ANO3: variants seen among roughly 807,000 people sequenced by gnomAD.
ANO3 encodes the protein anoctamin-3.
Under a neutral mutation model 144.8 loss-of-function variants are expected in ANO3, and 99 were observed. That is an observed-to-expected ratio of 0.68 (90% confidence interval 0.58 to 0.81). The LOEUF (loss-of-function observed/expected upper bound fraction) is 0.81, where lower values mean the gene tolerates loss of function less well. ANO3 is among the 30% of genes least tolerant of loss of function. The pLI, the probability that ANO3 is intolerant of heterozygous loss-of-function variation, is 0.00. For missense variants in ANO3, 905 were observed against 1,202.2 expected (o/e 0.75, Z 3.66); for synonymous variants, 414 against 392.6 (o/e 1.05, Z -0.64).
At chr11:26,368,882 T>G (rs2133935474) in intron 1 of ANO3, among the ~76,000 whole-genome samples, 1 of 152,284 alleles carries the variant, frequency 6.6e-6, no homozygotes, top group African/African-American at 2.4e-5. Flanking sequence ...TATTTTAAAA[T>G]ATAATGTTTA....
intron 1 of ANO3, among the ~76,000 whole-genome samples, chr11:26,392,564 T>C (rs755340588): frequency 6.6e-6 from 1 of 151,978 alleles, no homozygotes; most frequent in East Asian, 1.9e-4. Context: ...TGAATTATAG[T>C]TGGAAAAGAA....
chr11:26,514,807 C>T lies in ANO3; in HGVS notation c.592-2020C>T, dbSNP rs1254429821. Among the ~76,000 whole-genome samples, 3 of 152,006 alleles carry T rather than the reference C, an allele frequency of 2.0e-5. No homozygotes were observed. In the East Asian group the frequency reaches 5.8e-4, roughly 29 times the overall value. On this transcript the variant is annotated intron_variant, in intron 5 of 26. Transcript: ENST00000256737. ...ACTTGCCCTGGATGAAGGAGTCATT[C>T]AAATAGATGTATGCTTACACTTTAC...
intron 11 of ANO3, among the ~76,000 whole-genome samples, chr11:26,544,868 T>G (rs1261903964): frequency 6.6e-6 from 1 of 151,936 alleles, no homozygotes; most frequent in Non-Finnish European, 1.5e-5. Flanking sequence ...TAGGAGGATT[T>G]TTTTTCTTAA....
intron 4 of ANO3, among the ~76,000 whole-genome samples, chr11:26,497,099 T>C (rs922588821): frequency 6.6e-6 from 1 of 151,526 alleles, no homozygotes; most frequent in Non-Finnish European, 1.5e-5. Flanking sequence ...TATATATATT[T>C]CTGTGTGTGT....
At chr11:26,575,683 C>T (rs896624533) in intron 14 of ANO3, among the ~76,000 whole-genome samples, 8 of 151,972 alleles carry the variant, frequency 5.3e-5, no homozygotes, top group Non-Finnish European at 1.2e-4. Context: ...ATTATTTTAG[C>T]GATTACACAA....
intron 11 of ANO3, among the ~76,000 whole-genome samples, chr11:26,542,591 G>A (rs910002174): frequency 2.0e-5 from 3 of 152,064 alleles, no homozygotes; most frequent in Non-Finnish European, 4.4e-5. Flanking sequence ...AAGCCAGAAA[G>A]TGGATCTAAG....
At chr11:26,497,590 G>T (rs907189229) in intron 4 of ANO3, among the ~76,000 whole-genome samples, 1 of 152,008 alleles carries the variant, frequency 6.6e-6, no homozygotes, top group Non-Finnish European at 1.5e-5. Context: ...TAGTATCTTA[G>T]GAATATTTTC....
intron 1 of ANO3, among the ~76,000 whole-genome samples, chr11:26,318,397 A>C (rs1854678282): frequency 2.6e-5 from 4 of 152,192 alleles, no homozygotes. Flanking sequence ...TCATGGCTGC[A>C]TACTTTCTCA....
chr11:26,621,737 C>A (rs1189707972), intron 17 of ANO3, among the ~76,000 whole-genome samples: 2 of 152,072 alleles, frequency 1.3e-5, no homozygotes, highest in African/African-American at 4.8e-5. Context: ...TTCTAAAACA[C>A]TAACTGATGC....
chr11:26,519,661 A>G (rs771837055), intron 6 of ANO3, among the ~76,000 whole-genome samples: 2 of 152,118 alleles, frequency 1.3e-5, no homozygotes, highest in African/African-American at 2.4e-5. Context: ...CTCTCCTCCA[A>G]TTCATGAGGA....
intron 1 of ANO3, among the ~76,000 whole-genome samples, chr11:26,289,365 G>A (rs920990152): frequency 3.3e-5 from 5 of 151,290 alleles, no homozygotes; most frequent in African/African-American, 1.2e-4. Flanking sequence ...TGGTGATTGT[G>A]AATATAAGTA....
chr11:26,542,449 A>G (rs1453189801), intron 11 of ANO3, among the ~76,000 whole-genome samples: 2 of 152,060 alleles, frequency 1.3e-5, no homozygotes, highest in Non-Finnish European at 2.9e-5. Flanking sequence ...GAGAGGGAAA[A>G]TGGTCCTGGC....
intron 1 of ANO3, among the ~76,000 whole-genome samples, chr11:26,258,762 C>G (rs937119296): frequency 6.6e-6 from 1 of 152,108 alleles, no homozygotes; most frequent in Non-Finnish European, 1.5e-5. Flanking sequence ...TAGTCTATAA[C>G]CAATGGCTAG....
intron 18 of ANO3, among the ~76,000 whole-genome samples, chr11:26,629,398 C>T (rs796251972): frequency 1.8e-4 from 11 of 61,036 alleles, no homozygotes; most frequent in African/African-American, 4.5e-4. Flanking sequence ...TACATTATTC[C>T]TATCTATCTA....
intron 1 of ANO3, among the ~76,000 whole-genome samples, chr11:26,218,310 T>C (rs1852073830): frequency 6.6e-6 from 1 of 151,980 alleles, no homozygotes; most frequent in Admixed American, 6.6e-5. Context: ...TAAGAAAATG[T>C]CCTTTTCCTG....
rs568323593 is a variant in ANO3, at chr11:26,488,338, C to T, written c.433-19766C>T. ...AAGTAGCAAGGAGCCTAATGTTAAT[C>T]CCAAGACCATGGGGAAATGTCTGCA... is the stretch of plus-strand genomic sequence containing the variant. On this transcript the variant is annotated intron_variant, in intron 4 of 26. Coordinates refer to ENST00000256737, the MANE Select transcript of ANO3 (RefSeq NM_031418.4). Among the ~76,000 whole-genome samples, 4 of 152,288 alleles carry T rather than the reference C, an allele frequency of 2.6e-5. No individual in the cohort carries two copies. In the East Asian group the frequency reaches 7.7e-4, roughly 29 times the overall value.
intron 7 of ANO3, among the ~76,000 whole-genome samples, chr11:26,527,662 A>G (rs572963490): frequency 6.6e-6 from 1 of 152,160 alleles, no homozygotes; most frequent in Non-Finnish European, 1.5e-5. Flanking sequence ...ACCGGTACAT[A>G]TTAGGGGATA....
intron 1 of ANO3, among the ~76,000 whole-genome samples, chr11:26,239,414 A>C (rs1269365741): frequency 6.6e-6 from 1 of 152,084 alleles, no homozygotes; most frequent in Non-Finnish European, 1.5e-5. Context: ...TCTACTATTT[A>C]TTGTAAATGC....
At chr11:26,238,328 T>C (rs1014130991) in intron 1 of ANO3, among the ~76,000 whole-genome samples, 1 of 152,148 alleles carries the variant, frequency 6.6e-6, no homozygotes, top group African/African-American at 2.4e-5. Context: ...ACTGGACAAC[T>C]AGTATTTTAC....
Sources: gnomAD v4.1 joint callset for allele counts (sites outside exome capture counted in the v4.1 genomes callset) on GRCh38, gnomAD v4.1.1 for gene constraint, MANE v1.5 for transcripts, NCBI Gene and HGNC (gene_info 2026-07-23, HGNC 2026-07-21) for gene names.